The following LRRC4C variants were observed in gnomAD, a reference collection of about 807,000 sequenced individuals.
The protein encoded by LRRC4C is leucine rich repeat containing 4C.
A neutral mutation model predicts 33.6 loss-of-function variants in LRRC4C; 5 were observed. That is an observed-to-expected ratio of 0.15 (90% CI 0.08 to 0.31). LRRC4C has a LOEUF of 0.31. LRRC4C is among the 10% of genes least tolerant of loss of function. The pLI is 1.00. For synonymous variants in LRRC4C, 329 were observed against 302.0 expected (o/e 1.09, Z -0.93); for missense variants, 560 against 796.7 (o/e 0.70, Z 3.58).
intron 2 of LRRC4C, among the ~76,000 whole-genome samples, chr11:40,819,636 A>G (rs2135452900): frequency 6.6e-6 from 1 of 152,256 alleles, no homozygotes; most frequent in African/African-American, 2.4e-5. Context: ...AGCTAGCCGC[A>G]TAGTCCTGGT....
chr11:40,495,039 A>T (rs978970008), intron 3 of LRRC4C, among the ~76,000 whole-genome samples: 2 of 152,206 alleles, frequency 1.3e-5, no homozygotes, highest in South Asian at 4.1e-4. Flanking sequence ...CATGAATATT[A>T]TTAACATTGG....
At chr11:40,529,932 C>T (rs774859931) in intron 3 of LRRC4C, among the ~76,000 whole-genome samples, 4 of 152,054 alleles carry the variant, frequency 2.6e-5, no homozygotes, top group Non-Finnish European at 4.4e-5. Flanking sequence ...AACAAACCTG[C>T]GTGTTGTGCT....
chr11:40,962,262 G>A (rs550813764), intron 1 of LRRC4C, among the ~76,000 whole-genome samples: 1 of 151,690 alleles, frequency 6.6e-6, no homozygotes, highest in African/African-American at 2.4e-5. Flanking sequence ...AGCAATGGAG[G>A]GAGGTTCTAG....
At chr11:41,118,245 G>A (rs1185537479) in intron 1 of LRRC4C, among the ~76,000 whole-genome samples, 1 of 152,152 alleles carries the variant, frequency 6.6e-6, no homozygotes, top group East Asian at 1.9e-4. Context: ...CACATTCGCT[G>A]CATCCAGAAA....
intron 2 of LRRC4C, among the ~76,000 whole-genome samples, chr11:40,787,214 C>T (rs989069115): frequency 3.3e-5 from 5 of 151,654 alleles, no homozygotes; most frequent in African/African-American, 1.2e-4. Flanking sequence ...AATATTTTCC[C>T]TAGGTGGTAA....
Position 41,189,713 on chromosome 11 carries a change from A to G in LRRC4C, c.-495-255990T>C, listed in dbSNP as rs183943598. Among the ~76,000 whole-genome samples, 191 of 152,328 alleles carry G rather than the reference A, an allele frequency of 1.3e-3. 1 individual carries two copies. The highest frequency in any genetic ancestry group is 4.4e-3 in the African/African-American group (184 of 41,576). On this transcript the variant is annotated intron_variant, in intron 1 of 6. Coordinates refer to ENST00000528697, the MANE Select transcript of LRRC4C (RefSeq NM_001258419.2). ...GGACAGGCATAAGGTATGAAATTAGAATTAGTGATATGAGAGGGGATGAAA... is the reference window on the plus strand; with the variant it reads ...GGACAGGCATAAGGTATGAAATTAGGATTAGTGATATGAGAGGGGATGAAA...
intron 5 of LRRC4C, among the ~76,000 whole-genome samples, chr11:40,226,430 A>T (rs931673182): frequency 6.6e-6 from 1 of 152,206 alleles, no homozygotes; most frequent in African/African-American, 2.4e-5. Flanking sequence ...TGCCTTGGCA[A>T]ATGGCATGGA....
At chr11:40,747,015 T>C (rs60925218) in intron 2 of LRRC4C, among the ~76,000 whole-genome samples, 3 of 152,322 alleles carry the variant, frequency 2.0e-5, no homozygotes, top group African/African-American at 4.8e-5. Flanking sequence ...TATTGGCATC[T>C]GAATAAGCCA....
chr11:41,402,184 G>T (rs1954051304), intron 1 of LRRC4C, among the ~76,000 whole-genome samples: 1 of 152,004 alleles, frequency 6.6e-6, no homozygotes, highest in South Asian at 2.1e-4. Flanking sequence ...AAAGAAGAGA[G>T]TTCATCTCAT....
intron 1 of LRRC4C, among the ~76,000 whole-genome samples, chr11:41,237,997 G>A (rs1246939700): frequency 6.6e-6 from 1 of 151,972 alleles, no homozygotes; most frequent in Non-Finnish European, 1.5e-5. Context: ...TTAACTCCAA[G>A]TATATAAATA....
chr11:40,257,359 T>C (rs965406897), intron 4 of LRRC4C, among the ~76,000 whole-genome samples: 14 of 152,152 alleles, frequency 9.2e-5, no homozygotes, highest in African/African-American at 3.4e-4. Flanking sequence ...ATACCAAGTA[T>C]AAAAACATAA....
chr11:40,227,241 A>G (rs1235213873), intron 5 of LRRC4C, among the ~76,000 whole-genome samples: 24 of 152,194 alleles, frequency 1.6e-4, no homozygotes, highest in Non-Finnish European at 3.5e-4. Context: ...GATTAAATCA[A>G]ATACATCTTC....
chr11:40,756,524 C>T (rs1948955276), intron 2 of LRRC4C, among the ~76,000 whole-genome samples: 2 of 152,016 alleles, frequency 1.3e-5, no homozygotes, highest in South Asian at 4.1e-4. Context: ...AAGTACACTG[C>T]CTCAATGAAA....
chr11:40,401,982 GA>G (rs1450802150), intron 3 of LRRC4C, among the ~76,000 whole-genome samples: 1 of 151,934 alleles, frequency 6.6e-6, no homozygotes, highest in Non-Finnish European at 1.5e-5. Context: ...AAAGGAGCCT[GA>G]AAAAAATATG....
intron 5 of LRRC4C, among the ~76,000 whole-genome samples, chr11:40,221,803 C>G (rs1007340600): frequency 2.6e-5 from 4 of 151,980 alleles, no homozygotes; most frequent in Admixed American, 6.6e-5. Context: ...GCATGCAGCC[C>G]CCAGTCACGT....
chr11:40,122,112 C>T (rs1855869583), intron 6 of LRRC4C, among the ~76,000 whole-genome samples: 1 of 152,114 alleles, frequency 6.6e-6, no homozygotes, highest in Admixed American at 6.6e-5. Context: ...GACATCTGTG[C>T]TCAGATTTAC....
chr11:40,574,372 G>C (rs12293830), intron 3 of LRRC4C, among the ~76,000 whole-genome samples: 3,601 of 152,228 alleles, frequency 0.024, 61 homozygotes, highest in South Asian at 0.034. Context: ...GGCTTAAGAG[G>C]TGCCCATGTA....
intron 2 of LRRC4C, among the ~76,000 whole-genome samples, chr11:40,930,929 C>T (rs1361937513): frequency 9.2e-5 from 14 of 152,192 alleles, no homozygotes; most frequent in Admixed American, 7.9e-4. Flanking sequence ...ATTTGGCCCT[C>T]AAGCCACCAA....
chr11:41,228,896 T>C (rs1345230571), intron 1 of LRRC4C, among the ~76,000 whole-genome samples: 1 of 152,096 alleles, frequency 6.6e-6, no homozygotes, highest in Non-Finnish European at 1.5e-5. Flanking sequence ...AGTTCAACAT[T>C]GGAGTCCTTC....
Sources: allele counts gnomAD v4.1 joint callset (sites outside exome capture counted in the v4.1 genomes callset), GRCh38; gene constraint gnomAD v4.1.1; transcripts MANE v1.5; gene names NCBI Gene and HGNC (gene_info 2026-07-23, HGNC 2026-07-21).